CDC42BPA: variants seen among roughly 807,000 people sequenced by gnomAD.
The protein encoded by CDC42BPA is CDC42 binding protein kinase alpha.
In CDC42BPA, 80 loss-of-function variants were observed where a neutral mutation model predicts 223.5. The observed-to-expected ratio is 0.36, with a 90% CI of 0.30 to 0.43. The LOEUF is 0.43. CDC42BPA is among the 20% of genes least tolerant of loss of function. The pLI, the probability that CDC42BPA is intolerant of heterozygous loss-of-function variation, is 1.00. For missense variants in CDC42BPA, 1,743 were observed against 2,099.9 expected, an observed-to-expected ratio of 0.83 and a Z score of 3.32; for synonymous variants, 694 against 718.6, an observed-to-expected ratio of 0.97 and a Z score of 0.55.
intron 3 of CDC42BPA, among the ~76,000 whole-genome samples, chr1:227,203,837 C>A (rs6695923): frequency 2.0e-5 from 3 of 152,136 alleles, no homozygotes; most frequent in Non-Finnish European, 4.4e-5. Flanking sequence ...GAATGCCTAT[C>A]TTGAAACACA....
At chr1:227,162,868 A>ATGTGTGTGTGTGTG (rs36157906) in intron 5 of CDC42BPA, among the ~76,000 whole-genome samples, 292 of 149,448 alleles carry the variant, frequency 2.0e-3, no homozygotes, top group South Asian at 4.7e-3. Flanking sequence ...ATAAATATAT[A>ATGTGTGTGTGTGTG]TGTGTGTGTG....
At chr1:227,119,727 A>T in intron 12 of CDC42BPA, 77 bp downstream of exon 12, 1 of 990,956 alleles carries the variant, frequency 1.0e-6, no homozygotes, top group African/African-American at 1.7e-5. Flanking sequence ...GTAATTCATT[A>T]TGAATGCTTT....
At chr1:227,259,130 G>A (rs986233328) in intron 1 of CDC42BPA, among the ~76,000 whole-genome samples, 2 of 150,822 alleles carry the variant, frequency 1.3e-5, no homozygotes, top group Non-Finnish European at 2.9e-5. Flanking sequence ...TATCTGCCAC[G>A]CCGCCTCCCT....
intron 12 of CDC42BPA, among the ~76,000 whole-genome samples, chr1:227,115,268 T>C (rs890902942): frequency 2.0e-5 from 3 of 152,050 alleles, no homozygotes; most frequent in African/African-American, 7.2e-5. Flanking sequence ...AGGCCATCTA[T>C]TATACTGGAT....
At chr1:227,109,349 A>G (rs1364452955) in intron 14 of CDC42BPA, among the ~76,000 whole-genome samples, 1 of 151,970 alleles carries the variant, frequency 6.6e-6, no homozygotes, top group African/African-American at 2.4e-5. Flanking sequence ...ATACAAACAC[A>G]TTGTACAGAT....
chr1:227,242,044 A>T (rs878888016), intron 2 of CDC42BPA, among the ~76,000 whole-genome samples: 1 of 152,168 alleles, frequency 6.6e-6, no homozygotes, highest in Admixed American at 6.5e-5. Flanking sequence ...TAAACAAAAA[A>T]ATTATAAACA....
chr1:227,118,504 C>T (rs993383911), intron 12 of CDC42BPA, among the ~76,000 whole-genome samples: 1 of 151,950 alleles, frequency 6.6e-6, no homozygotes, highest in African/African-American at 2.4e-5. Flanking sequence ...TGTTTCTTTT[C>T]GTCAGCACTA....
chr1:227,259,093 T>C (rs1683601495), intron 1 of CDC42BPA, among the ~76,000 whole-genome samples: 1 of 150,998 alleles, frequency 6.6e-6, no homozygotes, highest in South Asian at 2.1e-4. Flanking sequence ...CTTAAATGAC[T>C]TCACTTGTGG....
chr1:227,193,155 G>A (rs12088077), intron 5 of CDC42BPA, among the ~76,000 whole-genome samples: 4 of 139,278 alleles, frequency 2.9e-5, no homozygotes, highest in Admixed American at 7.9e-5. Context: ...TGCAAGCTCC[G>A]CCTCCCGGGT....
At chr1:227,158,336 T>C (rs1663202180) in intron 6 of CDC42BPA, among the ~76,000 whole-genome samples, 1 of 152,188 alleles carries the variant, frequency 6.6e-6, no homozygotes, top group Non-Finnish European at 1.5e-5. Context: ...TGCTTTTATC[T>C]GACTCTGTAT....
intron 21 of CDC42BPA, among the ~76,000 whole-genome samples, chr1:227,067,092 C>A (rs1166661748): frequency 6.6e-6 from 1 of 152,070 alleles, no homozygotes; most frequent in Non-Finnish European, 1.5e-5. Flanking sequence ...CCTTGCAGTG[C>A]AATAAAATTT....
chr1:227,180,259 G>A (rs906307180), intron 5 of CDC42BPA, among the ~76,000 whole-genome samples: 3 of 151,872 alleles, frequency 2.0e-5, no homozygotes, highest in East Asian at 1.9e-4. Flanking sequence ...AATAAAGAAG[G>A]AATTCTCAAT....
intron 1 of CDC42BPA, among the ~76,000 whole-genome samples, chr1:227,297,910 T>C (rs1690920144): frequency 6.7e-6 from 1 of 148,428 alleles, no homozygotes; most frequent in Non-Finnish European, 1.5e-5. Flanking sequence ...TAATACACTT[T>C]AAAGGGGCTA....
intron 15 of CDC42BPA, among the ~76,000 whole-genome samples, chr1:227,099,874 T>A (rs2149301952): frequency 6.6e-6 from 1 of 152,276 alleles, no homozygotes; most frequent in Middle Eastern, 3.4e-3. Flanking sequence ...TTTTTGTTCT[T>A]AGCATTTATC....
chr1:227,171,302 T>C (rs1235631599), intron 5 of CDC42BPA, among the ~76,000 whole-genome samples: 1 of 152,346 alleles, frequency 6.6e-6, no homozygotes, highest in South Asian at 2.1e-4. Context: ...TGATTTTAGT[T>C]TTAAAATAAT....
At chr1:227,020,752 C>G (rs1667209995) in intron 32 of CDC42BPA, among the ~76,000 whole-genome samples, 1 of 152,198 alleles carries the variant, frequency 6.6e-6, no homozygotes, top group South Asian at 2.1e-4. Flanking sequence ...TTATTTCTTT[C>G]AAGAACTTTT....
At chr1:227,261,124 C>CTTTCTTTTTTTTTTTTTTTTTTTTT (rs386417862) in intron 1 of CDC42BPA, among the ~76,000 whole-genome samples, 8 of 121,020 alleles carry the variant, frequency 6.6e-5, no homozygotes, top group South Asian at 2.8e-4. Context: ...TTGAGTTTTT[C>CTTTCTTTTTTTTTTTTTTTTTTTTT]TTTTTTTTTG....
intron 24 of CDC42BPA, 120 bp downstream of exon 24, chr1:227,040,008 CCTG>C (rs939985825): frequency 7.3e-6 from 5 of 687,054 alleles, no homozygotes; most frequent in Non-Finnish European, 1.3e-5. Context: ...TATTTCCATT[CCTG>C]TTATGCAAAA....
intron 2 of CDC42BPA, among the ~76,000 whole-genome samples, chr1:227,236,917 C>G (rs1679144624): frequency 6.6e-6 from 1 of 151,958 alleles, no homozygotes; most frequent in South Asian, 2.1e-4. Context: ...GTGACACATG[C>G]CTGTGGTACC....
Sources: gnomAD v4.1 joint callset for allele counts (sites outside exome capture counted in the v4.1 genomes callset) on GRCh38, gnomAD v4.1.1 for gene constraint, MANE v1.5 for transcripts, NCBI Gene and HGNC (gene_info 2026-07-23, HGNC 2026-07-21) for gene names.